NRG3: variants seen among roughly 807,000 people sequenced by gnomAD.
The protein encoded by NRG3 is pro-neuregulin-3, membrane-bound isoform.
In NRG3, 31 loss-of-function variants were observed where a neutral mutation model predicts 66.9. The observed-to-expected ratio is 0.46, with a 90% CI of 0.35 to 0.63. The LOEUF (loss-of-function observed/expected upper bound fraction) is 0.63. NRG3 is among the 20% of genes least tolerant of loss of function. The probability of loss-of-function intolerance (pLI) is 0.00; values close to 1 mark genes in which losing one functional copy is unlikely to be tolerated. For synonymous variants in NRG3, 393 were observed against 359.4 expected (o/e 1.09, Z -1.06); for missense variants, 910 against 878.9 (o/e 1.04, Z -0.45).
At chr10:82,487,271 T>G (rs1454991466) in intron 2 of NRG3, among the ~76,000 whole-genome samples, 1 of 152,102 alleles carries the variant, frequency 6.6e-6, no homozygotes, top group Non-Finnish European at 1.5e-5. Flanking sequence ...TTCATCGTCC[T>G]GCAAGTATGT....
In NRG3 at chr10:82,647,884, A is replaced by T. The variant is rs556271153; in HGVS notation, c.954-90693A>T. On this transcript the variant is annotated intron_variant, in intron 2 of 8. Transcript: ENST00000372141. Reference sequence around the variant, plus strand: ...TTTTCTTGTAAATTTGTTTGAGTTCATTGTAGATTCTGGATATTAGCCCTT... The same window carrying T: ...TTTTCTTGTAAATTTGTTTGAGTTCTTTGTAGATTCTGGATATTAGCCCTT... Among the ~76,000 whole-genome samples the T allele has an allele frequency of 1.4e-3, 200 of 147,400 alleles. 2 individuals are homozygous for T. The East Asian group carries it at 0.036, about 27-fold the overall frequency.
rs540676912 is a variant in NRG3, at chr10:82,862,091, G to A, written c.1028-3320G>A. On this transcript the variant is annotated intron_variant, in intron 3 of 8. Transcript: ENST00000372141. The stretch of plus-strand genomic sequence containing the variant: ...CATACTTACTTGTCCTGTGTGTAAA[G>A]CTCAGTGGGCCACTTTTATAGCTGG... 1.6e-4 allele frequency among the ~76,000 whole-genome samples: 24 copies of A among 152,170 alleles called. 1 individual carries two copies. The highest frequency in any genetic ancestry group is 4.4e-5 in the Non-Finnish European group (3 of 67,982).
chr10:82,903,646 T>C (rs1844447692), intron 4 of NRG3, among the ~76,000 whole-genome samples: 1 of 152,188 alleles, frequency 6.6e-6, no homozygotes, highest in Non-Finnish European at 1.5e-5. Context: ...TTCTCTTCCT[T>C]ATGACTTCCT....
intron 3 of NRG3, among the ~76,000 whole-genome samples, chr10:82,847,684 A>G (rs1430859245): frequency 2.6e-5 from 4 of 152,284 alleles, no homozygotes; most frequent in Non-Finnish European, 5.9e-5. Context: ...TGGAGACTAC[A>G]TTTCCTCACC....
intron 1 of NRG3, among the ~76,000 whole-genome samples, chr10:82,222,477 T>C (rs564425978): frequency 1.3e-5 from 2 of 152,236 alleles, no homozygotes; most frequent in East Asian, 3.9e-4. Context: ...AAGGTTATGT[T>C]TCTAGACCCA....
chr10:82,844,307 C>T (rs1258586843), intron 3 of NRG3, among the ~76,000 whole-genome samples: 1 of 152,162 alleles, frequency 6.6e-6, no homozygotes, highest in Non-Finnish European at 1.5e-5. Context: ...TGATACAATA[C>T]TGCTGCACTC....
rs1239653360 is a variant in NRG3 at position 82,193,694 on chromosome 10, TG to T, written c.824-165043del. 2.0e-5 allele frequency among the ~76,000 whole-genome samples: 3 copies of T among 152,172 alleles called. 1 individual carries two copies. The highest frequency in any genetic ancestry group is 6.5e-5 in the Admixed American group (1 of 15,278). On this transcript the variant is annotated intron_variant, in intron 1 of 8. Coordinates refer to ENST00000372141, the MANE Select transcript of NRG3 (RefSeq NM_001010848.4). ...GTGAGATCAAGAATGAAATTCCGAA[TG>T]GTGCTAGGCTTTTGGCTTGGAAGTT...
intron 1 of NRG3, among the ~76,000 whole-genome samples, chr10:82,108,641 AATTG>A (rs2067204382): frequency 6.6e-6 from 1 of 152,200 alleles, no homozygotes; most frequent in African/African-American, 2.4e-5. Context: ...TTTCATAAAT[AATTG>A]ATTGCAAAAA....
chr10:82,895,368 G>A (rs1330552875), intron 4 of NRG3, among the ~76,000 whole-genome samples: 1 of 151,632 alleles, frequency 6.6e-6, no homozygotes, highest in Non-Finnish European at 1.5e-5. Flanking sequence ...TACATTCTTT[G>A]TTCCTGGGAA....
Position 82,508,474 on chromosome 10 carries a change from A to G in NRG3, c.953+149606A>G, listed in dbSNP as rs181004759. Among the ~76,000 whole-genome samples the G allele has an allele frequency of 2.6e-5, 4 of 152,338 alleles. No individual in the cohort carries two copies. The East Asian group carries it at 7.7e-4, about 29-fold the overall frequency. On this transcript the variant is annotated intron_variant, in intron 2 of 8. Transcript: ENST00000372141. ...ATTCTGAAAATAGGCAACAGCAATG[A>G]AAACACCAAAAATCCAGAGACAATC... is the stretch of plus-strand genomic sequence containing the variant.
intron 1 of NRG3, among the ~76,000 whole-genome samples, chr10:81,913,698 A>G (rs1845399062): frequency 6.6e-6 from 1 of 152,134 alleles, no homozygotes; most frequent in Non-Finnish European, 1.5e-5. Context: ...TGCTGGGATT[A>G]CAGGCATGAG....
intron 3 of NRG3, among the ~76,000 whole-genome samples, chr10:82,811,399 G>T (rs541131140): frequency 2.3e-4 from 35 of 152,304 alleles, no homozygotes; most frequent in Admixed American, 5.2e-4. Flanking sequence ...TTTAGAAAGG[G>T]AGGCTTGTGG....
At chr10:82,935,201 G>A (rs1332616748) in intron 4 of NRG3, among the ~76,000 whole-genome samples, 2 of 152,188 alleles carry the variant, frequency 1.3e-5, no homozygotes, top group Non-Finnish European at 2.9e-5. Flanking sequence ...GTCAAGATTG[G>A]GAGAGCTGTT....
chr10:82,872,112 A>C (rs1245827147), intron 4 of NRG3, among the ~76,000 whole-genome samples: 1 of 152,056 alleles, frequency 6.6e-6, no homozygotes, highest in Admixed American at 6.6e-5. Flanking sequence ...GAGAGTTTTT[A>C]CCATAAATGG....
At chr10:82,318,820 A>G (rs567701701) in intron 1 of NRG3, among the ~76,000 whole-genome samples, 9 of 152,330 alleles carry the variant, frequency 5.9e-5, no homozygotes, top group African/African-American at 1.7e-4. Flanking sequence ...CAAGGGCAAT[A>G]TCTAGTTTGT....
chr10:82,338,481 T>C (rs1486363980), intron 1 of NRG3, among the ~76,000 whole-genome samples: 1 of 152,182 alleles, frequency 6.6e-6, no homozygotes, highest in African/African-American at 2.4e-5. Flanking sequence ...GCCTTGTTGC[T>C]CCTGGGAGGC....
chr10:82,925,462 C>A (rs12416404), intron 4 of NRG3, among the ~76,000 whole-genome samples: 1 of 152,072 alleles, frequency 6.6e-6, no homozygotes, highest in Non-Finnish European at 1.5e-5. Flanking sequence ...CTATAAAGAG[C>A]TTTGTATTTT....
At chr10:82,530,088 A>G (rs1847111148) in intron 2 of NRG3, among the ~76,000 whole-genome samples, 1 of 152,158 alleles carries the variant, frequency 6.6e-6, no homozygotes, top group Non-Finnish European at 1.5e-5. Flanking sequence ...AACGTAGGTA[A>G]TGCATCTCAT....
At chr10:81,949,378 G>A (rs2133173502) in intron 1 of NRG3, among the ~76,000 whole-genome samples, 1 of 152,256 alleles carries the variant, frequency 6.6e-6, no homozygotes, top group Middle Eastern at 3.4e-3. Context: ...TAGAACAAGT[G>A]GGTAATCCTT....
Sources: gnomAD v4.1 joint callset for allele counts (sites outside exome capture counted in the v4.1 genomes callset) on GRCh38, gnomAD v4.1.1 for gene constraint, MANE v1.5 for transcripts, NCBI Gene and HGNC (gene_info 2026-07-23, HGNC 2026-07-21) for gene names.